Variants in QKI observed in about 807,000 individuals in gnomAD.
The protein encoded by QKI is QKI, KH domain containing RNA binding.
In QKI, 10 loss-of-function variants were observed where a neutral mutation model predicts 39.0. That is an observed-to-expected ratio of 0.26 (90% CI 0.16 to 0.43). The LOEUF (loss-of-function observed/expected upper bound fraction) is 0.43. Among genes scored for constraint, QKI ranks in the 20% least tolerant of loss-of-function variants. QKI has a pLI of 1.00. For synonymous variants in QKI, 204 were observed against 155.4 expected (o/e 1.31, Z -2.33); for missense variants, 218 against 428.0 (o/e 0.51, Z 4.33).
At chr6:163,452,739 T>C (rs1462404493) in intron 1 of QKI, among the ~76,000 whole-genome samples, 1 of 152,178 alleles carries the variant, frequency 6.6e-6, no homozygotes, top group Non-Finnish European at 1.5e-5. Context: ...TTTTTATTTA[T>C]TTTTTTAGAC....
chr6:163,519,678 G>A (rs2128237254), intron 3 of QKI, among the ~76,000 whole-genome samples: 1 of 151,522 alleles, frequency 6.6e-6, no homozygotes, highest in South Asian at 2.1e-4. Context: ...GGTGTCTATG[G>A]TCGTTTTCAA....
chr6:163,559,113 TAATG>T (rs770439810), intron 4 of QKI, among the ~76,000 whole-genome samples: 4 of 152,368 alleles, frequency 2.6e-5, no homozygotes, highest in Non-Finnish European at 5.9e-5. Flanking sequence ...CATTGCCAAA[TAATG>T]AATAGCTATT....
intron 3 of QKI, among the ~76,000 whole-genome samples, chr6:163,485,960 G>A (rs1416561632): frequency 6.6e-6 from 1 of 152,170 alleles, no homozygotes; most frequent in Non-Finnish European, 1.5e-5. Flanking sequence ...AAAACCTCAT[G>A]TTTTAAGAAA....
intron 4 of QKI, among the ~76,000 whole-genome samples, chr6:163,551,364 C>A (rs1355599565): frequency 6.6e-6 from 1 of 152,200 alleles, no homozygotes; most frequent in Non-Finnish European, 1.5e-5. Flanking sequence ...AGATGTCTCC[C>A]ACTTCAGGCA....
intron 3 of QKI, among the ~76,000 whole-genome samples, chr6:163,509,801 A>T (rs767071940): frequency 2.5e-4 from 38 of 152,188 alleles, no homozygotes; most frequent in Middle Eastern, 3.2e-3. Context: ...CTACAAATAG[A>T]AAAACAGTAG....
Position 163,577,648 on chromosome 6 carries a change from A to G in QKI, c.*6938A>G, listed in dbSNP as rs1052489719. The G allele has an allele frequency of 1.3e-5, 2 of 152,418 alleles. No individual in the cohort carries two copies. Among genetic ancestry groups the G allele is most frequent in the Non-Finnish European group, 2.9e-5 (2 of 68,058 alleles). 9.4% of individuals were successfully genotyped at this position (152,418 alleles called of 1,614,324 possible). ...GATTTTCTTACTCTTCTCTTGCTTT[A>G]ATCCTTCCCCCCGGCTCTCTGGCTC... On this transcript the variant is annotated 3_prime_UTR_variant, in exon 8 of 8. Transcript: ENST00000361752.
At chr6:163,554,814 C>T (rs1782482288) in intron 4 of QKI, among the ~76,000 whole-genome samples, 2 of 152,246 alleles carry the variant, frequency 1.3e-5, no homozygotes, top group South Asian at 4.1e-4. Flanking sequence ...CAGTCCAGTT[C>T]ATCCTCTCTG....
At chr6:163,565,691 G>C in intron 6 of QKI, 3 of 1,141,280 alleles carry the variant, frequency 2.6e-6, no homozygotes, top group Non-Finnish European at 3.2e-6. Flanking sequence ...TTCTTGCTTT[G>C]CCACCTAAGC....
At chr6:163,535,320 C>T (rs1398526916) in intron 4 of QKI, among the ~76,000 whole-genome samples, 195 bp downstream of exon 4, 2 of 152,080 alleles carry the variant, frequency 1.3e-5, no homozygotes, top group Non-Finnish European at 2.9e-5. Context: ...CTTAGATAGA[C>T]ATTAAAAGGG....
intron 2 of QKI, among the ~76,000 whole-genome samples, chr6:163,467,904 G>A (rs932079534): frequency 2.0e-5 from 3 of 152,106 alleles, no homozygotes; most frequent in African/African-American, 4.8e-5. Flanking sequence ...TGAAAATATC[G>A]TAAATTTAAA....
intron 3 of QKI, among the ~76,000 whole-genome samples, chr6:163,530,895 G>A (rs1435265403): frequency 2.6e-5 from 4 of 152,072 alleles, no homozygotes; most frequent in Admixed American, 6.6e-5. Context: ...TCAGTTTTGC[G>A]AAAAATATAT....
chr6:163,416,300 A>G (rs957963832), intron 1 of QKI: 1 of 214,542 alleles, frequency 4.7e-6, no homozygotes, highest in South Asian at 5.7e-5. Context: ...AATTTCCTTA[A>G]GAAGTTCTCA....
At chr6:163,477,506 T>C (rs1792714292) in intron 2 of QKI, among the ~76,000 whole-genome samples, 1 of 152,108 alleles carries the variant, frequency 6.6e-6, no homozygotes, top group Non-Finnish European at 1.5e-5. Flanking sequence ...TGGTGGGGGT[T>C]TAGGTTGGGT....
chr6:163,529,027 G>A (rs984996492), intron 3 of QKI, among the ~76,000 whole-genome samples: 7 of 152,124 alleles, frequency 4.6e-5, no homozygotes, highest in African/African-American at 1.7e-4. Flanking sequence ...ATCAAAACAA[G>A]GTAGCATTGA....
At chr6:163,444,767 A>G (rs150198993) in intron 1 of QKI, among the ~76,000 whole-genome samples, 29 of 152,214 alleles carry the variant, frequency 1.9e-4, no homozygotes, top group African/African-American at 6.3e-4. Flanking sequence ...CATTATTTAA[A>G]CTGTAGAAGA....
At chr6:163,551,485 T>C (rs981340890) in intron 4 of QKI, among the ~76,000 whole-genome samples, 1 of 152,236 alleles carries the variant, frequency 6.6e-6, no homozygotes, top group African/African-American at 2.4e-5. Flanking sequence ...GTTGAAGATA[T>C]CATTAGACAT....
At chr6:163,470,557 G>T (rs186047924) in intron 2 of QKI, among the ~76,000 whole-genome samples, 1 of 152,202 alleles carries the variant, frequency 6.6e-6, no homozygotes, top group African/African-American at 2.4e-5. Context: ...AAGGAGACAA[G>T]ATGACATTAA....
chr6:163,554,488 A>G (rs962905078), intron 4 of QKI, among the ~76,000 whole-genome samples: 1 of 152,234 alleles, frequency 6.6e-6, no homozygotes, highest in Non-Finnish European at 1.5e-5. Flanking sequence ...ATATGAAAGC[A>G]TATTTTTCTA....
At chr6:163,439,379 A>C in intron 1 of QKI, among the ~76,000 whole-genome samples, 2 of 129,870 alleles carry the variant, frequency 1.5e-5, no homozygotes, top group African/African-American at 3.0e-5. Context: ...ACGGAGTCTC[A>C]CTCTGTTGCC....
Sources: gnomAD v4.1 joint callset for allele counts (sites outside exome capture counted in the v4.1 genomes callset) on GRCh38, gnomAD v4.1.1 for gene constraint, MANE v1.5 for transcripts, NCBI Gene and HGNC (gene_info 2026-07-23, HGNC 2026-07-21) for gene names.